The following CCDC88C variants were observed in gnomAD, a reference collection of about 807,000 sequenced individuals.
CCDC88C encodes protein Daple.
Under a neutral mutation model 198.8 loss-of-function variants are expected in CCDC88C, and 131 were observed. The ratio of observed to expected loss-of-function variants is 0.66; its 90% CI spans 0.57 to 0.76. The LOEUF (loss-of-function observed/expected upper bound fraction) is 0.76, where lower values mean the gene tolerates loss of function less well. Ranked by LOEUF, CCDC88C falls within the 30% of genes least tolerant of loss-of-function variation. CCDC88C has a pLI of 0.00. For missense variants in CCDC88C, 2,553 were observed against 2,631.6 expected, an observed-to-expected ratio of 0.97 and a Z score of 0.65; for synonymous variants, 1,166 against 1,114.7, an observed-to-expected ratio of 1.05 and a Z score of -0.92.
chr14:91,304,145 G>A (rs1487387735), intron 19 of CCDC88C, among the ~76,000 whole-genome samples, 167 bp from the exon 20 acceptor site: 1 of 152,224 alleles, frequency 6.6e-6, no homozygotes, highest in East Asian at 1.9e-4. Flanking sequence ...ACTGCTGTGG[G>A]AAGGGGACTA....
Position 91,300,679 on chromosome 14 carries a change from G to A in CCDC88C, c.3636-609C>T, listed in dbSNP as rs149494944. Among the ~76,000 whole-genome samples the A allele has an allele frequency of 2.5e-4, 38 of 152,162 alleles. No individual in the cohort carries two copies. In the South Asian group the frequency reaches 2.7e-3, roughly 11 times the overall value. On this transcript the variant is annotated intron_variant, in intron 20 of 29. Transcript: ENST00000389857. ...AGGCGCCTTAGCCACAGCCCTCACCGTCCCCACAACTTTCTCCTTACCCTC... is the reference window on the plus strand; with the variant it reads ...AGGCGCCTTAGCCACAGCCCTCACCATCCCCACAACTTTCTCCTTACCCTC...
chr14:91,337,876 G>C (rs1893117422), intron 10 of CCDC88C, 129 bp downstream of exon 10: 2 of 1,139,760 alleles, frequency 1.8e-6, no homozygotes, highest in South Asian at 2.8e-5. Flanking sequence ...AGGCTGAGGT[G>C]CCGGGGAAGC....
At chr14:91,302,642 G>A (rs571753124) in intron 20 of CCDC88C, among the ~76,000 whole-genome samples, 9 of 152,336 alleles carry the variant, frequency 5.9e-5, no homozygotes, top group African/African-American at 2.2e-4. Flanking sequence ...TGAGGGTGTG[G>A]AGAGTGGGAG....
Position 91,303,856 on chromosome 14 carries a change from A to T in CCDC88C, c.3480T>A (p.Leu1160=). 6.2e-7 allele frequency: 1 copy of T among 1,613,238 alleles called. No homozygotes were observed. Among genetic ancestry groups the T allele is most frequent in the South Asian group, 1.1e-5 (1 of 91,080 alleles). ...GCAGCAGGGCCTCGTAGGCCGCTGT[A>T]AGTTGCTCCTGCTGCCTCTGCAGGC... The part of the protein sequence containing the change: ...NESLQRQQEQ[L]TAAYEALLQD... Residue 1160 remains leucine (L), a synonymous_variant, in exon 20 of 30, where the codon CTT becomes CTA. Transcript: ENST00000389857.
At position 91,294,057 on chromosome 14, in the gene CCDC88C, C is replaced by G. The variant is rs1326420891; in HGVS notation, c.4112+116G>C. The G allele has an allele frequency of 5.9e-6, 7 of 1,181,492 alleles. No individual in the cohort carries two copies. The East Asian group carries it at 1.6e-4, about 28-fold the overall frequency. 73.2% of individuals were successfully genotyped at this position (1,181,492 alleles called of 1,614,324 possible). A position where few individuals can be genotyped will look rare whatever the true frequency, so the allele number is the denominator to read the frequency against. On this transcript the variant is annotated intron_variant, in intron 23 of 29. Transcript: ENST00000389857. Reference sequence around the variant, plus strand: ...TGGTGATCGGTCTGTGCCCTGCCCTCAGGATCCCAACGGGCCCAGGGGCTC... The same window carrying G: ...TGGTGATCGGTCTGTGCCCTGCCCTGAGGATCCCAACGGGCCCAGGGGCTC...
intron 16 of CCDC88C, 123 bp downstream of exon 16, chr14:91,309,736 G>A (rs546042241): frequency 1.6e-5 from 16 of 989,048 alleles, no homozygotes; most frequent in Middle Eastern, 2.5e-4. Flanking sequence ...TCAAGGAACC[G>A]CGTGAGGTCA....
chr14:91,417,128 C>G (rs1596182659), intron 1 of CCDC88C: 3 of 702,984 alleles, frequency 4.3e-6, no homozygotes, highest in Non-Finnish European at 7.8e-6. Flanking sequence ...AAATGTCTCA[C>G]GTCTCAAATC....
chr14:91,279,618 G>C (rs972186844), intron 27 of CCDC88C: 3 of 233,204 alleles, frequency 1.3e-5, no homozygotes, highest in African/African-American at 2.3e-5. Context: ...ATAGAGGGCA[G>C]ACAAAAAAAA....
intron 15 of CCDC88C, among the ~76,000 whole-genome samples, chr14:91,311,184 A>G (rs112400243): frequency 0.035 from 5,369 of 152,320 alleles, 317 homozygotes; most frequent in African/African-American, 0.12. Context: ...GTGAGCAAGA[A>G]GTAAGCCTTG....
In CCDC88C at chr14:91,316,777, C is replaced by G. The variant is rs1196056918; in HGVS notation, c.1528-990G>C. ...GTGTGATTTCCTGGGTCCTACCTAC[C>G]CCTGATGGACCCCTCATCTTTCTCA... On this transcript the variant is annotated intron_variant, in intron 13 of 29. Transcript: ENST00000389857. Among the ~76,000 whole-genome samples, 4 of 152,168 alleles carry G rather than the reference C, an allele frequency of 2.6e-5. No homozygotes were observed. In the South Asian group the frequency reaches 8.3e-4, roughly 32 times the overall value.
intron 15 of CCDC88C, among the ~76,000 whole-genome samples, chr14:91,310,818 C>T (rs2139798694): frequency 6.6e-6 from 1 of 152,322 alleles, no homozygotes. Flanking sequence ...TGACCGTTTT[C>T]TGCCTGGTGT....
chr14:91,358,754 C>T (rs1489725143), intron 4 of CCDC88C, among the ~76,000 whole-genome samples: 6 of 152,282 alleles, frequency 3.9e-5, no homozygotes, highest in African/African-American at 1.2e-4. Context: ...CCTCCTGCCT[C>T]GGCCTCCCAA....
intron 2 of CCDC88C, among the ~76,000 whole-genome samples, chr14:91,413,358 A>T (rs552186198): frequency 6.6e-6 from 1 of 152,348 alleles, no homozygotes; most frequent in East Asian, 1.9e-4. Flanking sequence ...CAGGAAATCA[A>T]GGCTTAGAGA....
In CCDC88C at chr14:91,325,808, A is replaced by G; in HGVS notation, c.1197+102T>C. 8.3e-7 allele frequency: 1 copy of G among 1,199,374 alleles called. No homozygotes were observed. The allele number at this position is 1,199,374 out of a possible 1,614,324, so 74.3% of individuals were successfully genotyped here. A position where few individuals can be genotyped will look rare whatever the true frequency, so the allele number is the denominator to read the frequency against. ...GGGTTAGAACTCCTGCGCTCAAGGGATCCTCCCACCTTAGCCTCCCAAAGT... is the reference window on the plus strand; with the variant it reads ...GGGTTAGAACTCCTGCGCTCAAGGGGTCCTCCCACCTTAGCCTCCCAAAGT... On this transcript the variant is annotated intron_variant, in intron 11 of 29. Transcript: ENST00000389857. The surrounding 1 kb of genome is among the most constrained non-coding windows in gnomAD (Gnocchi z 4.1).
At chr14:91,363,577 G>A (rs1266853493) in intron 3 of CCDC88C, among the ~76,000 whole-genome samples, 2 of 151,642 alleles carry the variant, frequency 1.3e-5, no homozygotes, top group African/African-American at 4.8e-5. Context: ...GCGAGATTAA[G>A]AAAAAATAAT....
At chr14:91,416,211 G>A (rs951278843) in intron 2 of CCDC88C, among the ~76,000 whole-genome samples, 13 of 152,174 alleles carry the variant, frequency 8.5e-5, no homozygotes, top group African/African-American at 3.1e-4. Flanking sequence ...CTAACACTGT[G>A]ACTTTAAACT....
intron 22 of CCDC88C, among the ~76,000 whole-genome samples, chr14:91,296,073 C>T (rs573040766): frequency 2.3e-4 from 35 of 152,316 alleles, no homozygotes; most frequent in Middle Eastern, 3.4e-3. Context: ...CCCACCTCTG[C>T]GGCTTAAGCC....
rs187445780 is a variant in CCDC88C, at chr14:91,327,155, G to A, written c.1051-1099C>T. Among the ~76,000 whole-genome samples, 140 of 152,322 alleles carry A rather than the reference G, an allele frequency of 9.2e-4. 1 individual carries two copies. The highest frequency in any genetic ancestry group is 3.2e-3 in the African/African-American group (134 of 41,564). ...AACAGCACACGCCAGGAACGTGTAC[G>A]CTTCTTTCGGTGGGCAGAGCTGTCT... On this transcript the variant is annotated intron_variant, in intron 10 of 29. Transcript: ENST00000389857.
chr14:91,386,664 C>T (rs1337422937), intron 3 of CCDC88C, among the ~76,000 whole-genome samples: 1 of 152,242 alleles, frequency 6.6e-6, no homozygotes, highest in Non-Finnish European at 1.5e-5. Context: ...AGCTTGCATG[C>T]CACCTTTTAG....
Sources: allele counts gnomAD v4.1 joint callset (sites outside exome capture counted in the v4.1 genomes callset), GRCh38; gene constraint gnomAD v4.1.1; non-coding constraint Gnocchi (gnomAD v3.1); transcripts MANE v1.5; gene names NCBI Gene and HGNC (gene_info 2026-07-23, HGNC 2026-07-21).